The following ACSM2B variants were observed in gnomAD, a reference collection of about 807,000 sequenced individuals.
ACSM2B encodes the protein acyl-CoA synthetase medium chain family member 2B.
Under a neutral mutation model 78.6 loss-of-function variants are expected in ACSM2B, and 58 were observed. That is an observed-to-expected ratio of 0.74 (90% CI 0.60 to 0.92). The LOEUF is 0.92. Among genes scored for constraint, ACSM2B ranks in the 40% least tolerant of loss-of-function variants. The pLI, the probability that ACSM2B is intolerant of heterozygous loss-of-function variation, is 0.00. For missense variants in ACSM2B, 688 were observed against 711.2 expected, an observed-to-expected ratio of 0.97 and a Z score of 0.37; for synonymous variants, 257 against 256.8, an observed-to-expected ratio of 1.00 and a Z score of -0.01.
intron 10 of ACSM2B, chr16:20,544,527 T>C (rs1039876748): frequency 2.1e-6 from 2 of 941,926 alleles, no homozygotes; most frequent in South Asian, 4.9e-5. Flanking sequence ...TAGAAACTAT[T>C]ATTATTTGAT....
At chr16:20,538,817 C>T (rs2014912532) in intron 13 of ACSM2B, among the ~76,000 whole-genome samples, 1 of 152,106 alleles carries the variant, frequency 6.6e-6, no homozygotes, top group African/African-American at 2.4e-5. Flanking sequence ...GAATGTTGAA[C>T]CCGACAGTCT....
chr16:20,549,700 G>T (rs1449302161), intron 6 of ACSM2B: 3 of 426,012 alleles, frequency 7.0e-6, no homozygotes, highest in South Asian at 1.7e-5. Flanking sequence ...CGTGCCCAAG[G>T]TGGTCAGGGT....
chr16:20,543,266 G>C lies in ACSM2B; in HGVS notation c.1282-4C>G, dbSNP rs1396056618. ...CTGCTGTCTTGTCGGGATTTTCCTGGTGACCACAGAAAGACAGAGTCATTG... is the reference window on the plus strand; with the variant it reads ...CTGCTGTCTTGTCGGGATTTTCCTGCTGACCACAGAAAGACAGAGTCATTG... On this transcript the variant is annotated splice_polypyrimidine_tract_variant and splice_region_variant and intron_variant, in intron 10 of 13. Coordinates refer to ENST00000329697, the MANE Select transcript of ACSM2B (RefSeq NM_001105069.2). 7 of 1,610,716 alleles carry C rather than the reference G, an allele frequency of 4.3e-6. No individual in the cohort carries two copies. Among genetic ancestry groups the C allele is most frequent in the Non-Finnish European group, 5.9e-6 (7 of 1,179,850 alleles).
chr16:20,564,941 C>T, intron 1 of ACSM2B, 88 bp from the exon 2 acceptor site: 2 of 1,500,906 alleles, frequency 1.3e-6, no homozygotes, highest in Non-Finnish European at 1.8e-6. Flanking sequence ...TCATCCCAAC[C>T]TTATAGGATT....
chr16:20,568,904 T>C (rs61653779), intron 1 of ACSM2B, among the ~76,000 whole-genome samples: 16,464 of 151,734 alleles, frequency 0.11, 1,834 homozygotes, highest in African/African-American at 0.28. Flanking sequence ...TTTTATGGGA[T>C]TTTTTGGGCT....
rs376784628 is a variant in ACSM2B at position 20,566,733 on chromosome 16, A to ACT, written c.-8-1881_-8-1880insAG. 1.7e-3 allele frequency among the ~76,000 whole-genome samples: 26 copies of ACT among 15,180 alleles called. 5 individuals are homozygous for ACT. Among genetic ancestry groups the ACT allele is most frequent in the East Asian group, 0.01 (2 of 192 alleles). The allele number at this position is 15,180 out of a possible 152,430, so 10.0% of individuals were successfully genotyped here. On this transcript the variant is annotated intron_variant, in intron 1 of 13. Coordinates refer to ENST00000329697, the MANE Select transcript of ACSM2B (RefSeq NM_001105069.2). ...AGTATATATAGTATATACTATATAT[A>ACT]GTATATACTATATATACTATATATA...
At chr16:20,571,288 G>A (rs1217182218) in intron 1 of ACSM2B, among the ~76,000 whole-genome samples, 1 of 151,768 alleles carries the variant, frequency 6.6e-6, no homozygotes, top group African/African-American at 2.4e-5. Flanking sequence ...CCTTCAGTGT[G>A]AGAAATTTTT....
At chr16:20,567,238 A>C (rs1373839884) in intron 1 of ACSM2B, among the ~76,000 whole-genome samples, 1 of 129,044 alleles carries the variant, frequency 7.7e-6, no homozygotes, top group Non-Finnish European at 1.6e-5. Context: ...TATAATATAT[A>C]GTGTAATATA....
Position 20,555,257 on chromosome 16 carries a change from G to C in ACSM2B, c.596+12C>G. On this transcript the variant is annotated intron_variant, in intron 4 of 13. Coordinates refer to ENST00000329697, the MANE Select transcript of ACSM2B (RefSeq NM_001105069.2). ...TTAGTTAAAACCCAGGATGAGACATGTAGATACTCACTTTAGTAGTTTCTT... is the reference window on the plus strand; with the variant it reads ...TTAGTTAAAACCCAGGATGAGACATCTAGATACTCACTTTAGTAGTTTCTT... The C allele has an allele frequency of 6.2e-7, 1 of 1,613,924 alleles. No homozygotes were observed. Among genetic ancestry groups the C allele is most frequent in the Non-Finnish European group, 8.5e-7 (1 of 1,179,840 alleles).
intron 12 of ACSM2B, 146 bp from the exon 13 acceptor site, chr16:20,540,919 A>C (rs1596702719): frequency 1.6e-6 from 2 of 1,270,798 alleles, no homozygotes; most frequent in Non-Finnish European, 1.1e-6. Flanking sequence ...AAAGGGAGAA[A>C]CTGGGGACAA....
Position 20,555,328 on chromosome 16 carries a change from A to C in ACSM2B, c.537T>G (p.Ile179Met), listed in dbSNP as rs1478344655. 1.2e-5 allele frequency: 20 copies of C among 1,613,788 alleles called. No individual in the cohort carries two copies. The highest frequency in any genetic ancestry group is 5.3e-5 in the African/African-American group (4 of 74,900). ...AGCTTTTCTCAGACACCAGTAGCTT[A>C]ATTCTCAGAGAAGGACATTCAGATG... The part of the protein sequence containing the change: ...TVASECPSLR[I>M]KLLVSEKSCD... The change falls in exon 4 of 14, where the codon ATT becomes ATG. Residue 179 changes from isoleucine to methionine, a missense_variant. By Grantham distance (10) the Ile-to-Met change is conservative (BLOSUM62 1). Coordinates refer to ENST00000329697, the MANE Select transcript of ACSM2B (RefSeq NM_001105069.2).
At chr16:20,563,002 CCCAA>C (rs1441824835) in intron 2 of ACSM2B, among the ~76,000 whole-genome samples, 1 of 152,176 alleles carries the variant, frequency 6.6e-6, no homozygotes, top group Non-Finnish European at 1.5e-5. Context: ...TAATTCCATT[CCCAA>C]CCAATCAGTA....
intron 8 of ACSM2B, chr16:20,547,057 C>T: frequency 1.1e-6 from 1 of 914,548 alleles, no homozygotes; most frequent in South Asian, 4.0e-5. Flanking sequence ...GTGGTGGATG[C>T]CTCACTGACA....
At chr16:20,557,096 A>C (rs1450232726) in intron 3 of ACSM2B, among the ~76,000 whole-genome samples, 1 of 151,860 alleles carries the variant, frequency 6.6e-6, no homozygotes, top group African/African-American at 2.4e-5. Context: ...AGGTTGCTGG[A>C]GTTTCTTGGG....
chr16:20,558,181 C>T (rs1459271521), intron 3 of ACSM2B, among the ~76,000 whole-genome samples: 9 of 152,108 alleles, frequency 5.9e-5, no homozygotes, highest in African/African-American at 1.7e-4. Context: ...GTTCTTCAGA[C>T]CTTGCATTCT....
intron 3 of ACSM2B, among the ~76,000 whole-genome samples, chr16:20,558,597 C>T (rs1490389759): frequency 1.3e-5 from 2 of 152,062 alleles, no homozygotes; most frequent in East Asian, 3.9e-4. Context: ...TTGGCAAAAT[C>T]CTACTCATCC....
chr16:20,564,876 A>G (rs2015776441), intron 1 of ACSM2B, 23 bp from the exon 2 acceptor site: 1 of 1,584,706 alleles, frequency 6.3e-7, no homozygotes. Flanking sequence ...GAAGAGACAC[A>G]GGTAAGAGCT....
chr16:20,548,174 G>A lies in ACSM2B; in HGVS notation c.986C>T (p.Pro329Leu), dbSNP rs865944833. The change falls in exon 8 of 14, where the codon CCC becomes CTC. Residue 329 changes from proline (P) to leucine (L), a missense_variant. Pro to Leu is a moderately conservative substitution (Grantham distance 98). Coordinates refer to ENST00000329697, the MANE Select transcript of ACSM2B (RefSeq NM_001105069.2). ...TCCAGCGAGGCAGTTCTGTAGATGG[G>A]GGAACTTGTAACTGAAGAAGAGAAA... ...LQQDLSSYKF[P>L]HLQNCLAGGE... 1.9e-6 allele frequency: 3 copies of A among 1,614,016 alleles called. No homozygotes were observed. Among genetic ancestry groups the A allele is most frequent in the Middle Eastern group, 3.3e-4 (2 of 6,062 alleles).
chr16:20,565,909 C>A (rs1469975054), intron 1 of ACSM2B, among the ~76,000 whole-genome samples: 1 of 151,776 alleles, frequency 6.6e-6, no homozygotes, highest in Non-Finnish European at 1.5e-5. Flanking sequence ...TGGCTGAGAA[C>A]ATATGATGTT....
Sources: allele counts gnomAD v4.1 joint callset (sites outside exome capture counted in the v4.1 genomes callset), GRCh38; gene constraint gnomAD v4.1.1; transcripts MANE v1.5; gene names NCBI Gene and HGNC (gene_info 2026-07-23, HGNC 2026-07-21).